Variants in CACNA1B observed in about 807,000 individuals in gnomAD.
CACNA1B encodes voltage-dependent N-type calcium channel subunit alpha-1B.
In CACNA1B, 70 loss-of-function variants were observed where a neutral mutation model predicts 247.2. That is an observed-to-expected ratio of 0.28 (90% CI 0.23 to 0.35). CACNA1B has a LOEUF of 0.35. Among genes scored for constraint, CACNA1B ranks in the 10% least tolerant of loss-of-function variants. CACNA1B has a pLI of 1.00. For synonymous variants in CACNA1B, 1,231 were observed against 1,294.4 expected (o/e 0.95, Z 1.05); for missense variants, 2,367 against 3,197.4 (o/e 0.74, Z 6.26).
intron 6 of CACNA1B, among the ~76,000 whole-genome samples, chr9:137,942,216 T>TG (rs1194116946): frequency 6.6e-6 from 1 of 152,048 alleles, no homozygotes; most frequent in Non-Finnish European, 1.5e-5. Context: ...CCAACAAACA[T>TG]GGAAAAATGC....
chr9:137,969,978 C>T (rs1958126653), intron 10 of CACNA1B, among the ~76,000 whole-genome samples: 1 of 152,140 alleles, frequency 6.6e-6, no homozygotes, highest in African/African-American at 2.4e-5. Context: ...CACATGTGTA[C>T]AAACACACAG....
chr9:138,120,083 T>G (rs1169643692), intron 44 of CACNA1B, 82 bp from the exon 45 acceptor site: 5 of 1,217,190 alleles, frequency 4.1e-6, no homozygotes, highest in Non-Finnish European at 5.8e-6. Flanking sequence ...CTGTCTGGCC[T>G]GCTCCACCAC....
Position 137,952,426 on chromosome 9 carries a change from T to A in CACNA1B, c.1070+49T>A. ...GCAGGTGCCCCTCTGTGTTCTCAGC[T>A]GAGGGGTCAACAGGGGCACGTGTGA... On this transcript the variant is annotated intron_variant, in intron 7 of 46. Transcript: ENST00000371372. The surrounding 1 kb of genome is among the most constrained non-coding windows in gnomAD (Gnocchi z 4.8). The A allele has an allele frequency of 6.7e-7, 1 of 1,486,106 alleles. No homozygotes were observed. Among genetic ancestry groups the A allele is most frequent in the East Asian group, 2.3e-5 (1 of 44,214 alleles). 92.1% of individuals were successfully genotyped at this position (1,486,106 alleles called of 1,614,324 possible).
rs1957451750 is a variant in CACNA1B, at chr9:137,919,406, C to T, written c.966+1975C>T. On this transcript the variant is annotated intron_variant, in intron 6 of 46. Coordinates refer to ENST00000371372, the MANE Select transcript of CACNA1B (RefSeq NM_000718.4). The surrounding 1 kb of genome is among the most constrained non-coding windows in gnomAD (Gnocchi z 4.6). Reference sequence around the variant, plus strand: ...GAAACCAGACATGCAGATGCTACAACACCTTGGAAGCTTGGCCGGGGCAGC... The same window carrying T: ...GAAACCAGACATGCAGATGCTACAATACCTTGGAAGCTTGGCCGGGGCAGC... Among the ~76,000 whole-genome samples, 2 of 152,234 alleles carry T rather than the reference C, an allele frequency of 1.3e-5. No individual in the cohort carries two copies. The highest frequency in any genetic ancestry group is 2.9e-5 in the Non-Finnish European group (2 of 68,042).
At position 138,008,552 on chromosome 9, in the gene CACNA1B, A is replaced by AC. The variant is rs201195347; in HGVS notation, c.2093-1453dup. Reference sequence around the variant, plus strand: ...CTGGCCTGGGGTATGCGCTCCCTTGACCCCCAGGGAGGGGGCACCTGTCCA... The same window carrying AC: ...CTGGCCTGGGGTATGCGCTCCCTTGACCCCCCAGGGAGGGGGCACCTGTCCA... On this transcript the variant is annotated intron_variant, in intron 16 of 46. Transcript: ENST00000371372. Among the ~76,000 whole-genome samples, 1,380 of 151,726 alleles carry AC rather than the reference A, an allele frequency of 9.1e-3. 8 individuals are homozygous for AC. The highest frequency in any genetic ancestry group is 0.011 in the South Asian group (54 of 4,802).
At chr9:137,916,778 C>A (rs1957417081) in intron 5 of CACNA1B, among the ~76,000 whole-genome samples, 1 of 148,212 alleles carries the variant, frequency 6.7e-6, no homozygotes, top group Non-Finnish European at 1.5e-5. Context: ...AGGAACGGTC[C>A]TCGTGGCAGT....
Position 138,051,390 on chromosome 9 carries a change from C to G in CACNA1B, c.3711-702C>G, listed in dbSNP as rs542181750. ...CCGACTTCCTGCCTTGCCGTCCCTGCTCTGCATGAGTTTTCCTGTCTGCTG... is the reference window on the plus strand; with the variant it reads ...CCGACTTCCTGCCTTGCCGTCCCTGGTCTGCATGAGTTTTCCTGTCTGCTG... On this transcript the variant is annotated intron_variant, in intron 24 of 46. Transcript: ENST00000371372. This position sits in a 1 kb window ranked among gnomAD's most constrained non-coding sequence, Gnocchi z 4.3. 1.3e-5 allele frequency among the ~76,000 whole-genome samples: 2 copies of G among 151,944 alleles called. No individual in the cohort carries two copies. Among genetic ancestry groups the G allele is most frequent in the African/African-American group, 4.8e-5 (2 of 41,444 alleles).
At position 137,928,616 on chromosome 9, in the gene CACNA1B, T is replaced by A. The variant is rs1195695456; in HGVS notation, c.966+11185T>A. ...GGAGATCTTTTTTTTAAATAACACTTTTGCTGCAATATAATCTGTGTACCA... is the reference window on the plus strand; with the variant it reads ...GGAGATCTTTTTTTTAAATAACACTATTGCTGCAATATAATCTGTGTACCA... On this transcript the variant is annotated intron_variant, in intron 6 of 46. Coordinates refer to ENST00000371372, the MANE Select transcript of CACNA1B (RefSeq NM_000718.4). 2.6e-5 allele frequency among the ~76,000 whole-genome samples: 4 copies of A among 152,348 alleles called. No individual in the cohort carries two copies. The East Asian group carries it at 7.7e-4, about 29-fold the overall frequency.
chr9:138,101,949 C>A (rs1961266262), intron 37 of CACNA1B, among the ~76,000 whole-genome samples: 1 of 152,160 alleles, frequency 6.6e-6, no homozygotes, highest in African/African-American at 2.4e-5. Flanking sequence ...GTTCCTAGAT[C>A]CTGCAACCTG....
At chr9:137,892,238 T>G in intron 3 of CACNA1B, 1 of 456,744 alleles carries the variant, frequency 2.2e-6, no homozygotes, top group South Asian at 1.5e-5. Context: ...GACATTTCCT[T>G]CTCAGTCCTG....
At chr9:137,889,349 C>G (rs1464907806) in intron 3 of CACNA1B, among the ~76,000 whole-genome samples, 3 of 150,182 alleles carry the variant, frequency 2.0e-5, no homozygotes, top group African/African-American at 7.3e-5. Context: ...CCTTTCCCTA[C>G]CAGAGTCTGG....
intron 15 of CACNA1B, among the ~76,000 whole-genome samples, chr9:138,000,659 C>T (rs1245120141): frequency 6.6e-6 from 1 of 152,134 alleles, no homozygotes; most frequent in African/African-American, 2.4e-5. Flanking sequence ...AACCTTGACA[C>T]CAAAGCCATG....
At chr9:137,949,252 G>A (rs1418193047) in intron 6 of CACNA1B, among the ~76,000 whole-genome samples, 4 of 148,544 alleles carry the variant, frequency 2.7e-5, no homozygotes, top group Non-Finnish European at 4.5e-5. Context: ...TGTGTGTGGT[G>A]TGTGGTGCGT....
chr9:137,943,050 C>CTTTT (rs58509237), intron 6 of CACNA1B, among the ~76,000 whole-genome samples: 12 of 136,130 alleles, frequency 8.8e-5, no homozygotes, highest in African/African-American at 3.0e-4. Flanking sequence ...GAGTTTCAAA[C>CTTTT]TTTTTTTTTT....
chr9:138,026,731 C>T (rs1249107990), intron 20 of CACNA1B, among the ~76,000 whole-genome samples: 2 of 152,130 alleles, frequency 1.3e-5, no homozygotes, highest in African/African-American at 4.8e-5. Flanking sequence ...CTGCTTTAAA[C>T]ATTCATGTTC....
chr9:137,978,218 T>G (rs1315837882), intron 12 of CACNA1B, among the ~76,000 whole-genome samples: 1 of 73,552 alleles, frequency 1.4e-5, no homozygotes, highest in Non-Finnish European at 2.5e-5. Flanking sequence ...AGCAACGGGA[T>G]CACTACTCCC....
At chr9:137,946,447 G>A (rs1467687021) in intron 6 of CACNA1B, among the ~76,000 whole-genome samples, 1 of 152,180 alleles carries the variant, frequency 6.6e-6, no homozygotes, top group Non-Finnish European at 1.5e-5. Flanking sequence ...GGATCAGGGA[G>A]TATAACCAGG....
chr9:137,879,240 A>T, intron 2 of CACNA1B, 81 bp downstream of exon 2: 1 of 911,138 alleles, frequency 1.1e-6, no homozygotes, highest in Non-Finnish European at 1.7e-6. Flanking sequence ...GCCTGAGAAC[A>T]GCTTCCTCGG....
intron 15 of CACNA1B, among the ~76,000 whole-genome samples, chr9:138,002,274 C>CT (rs1958586385): frequency 6.6e-6 from 1 of 152,000 alleles, no homozygotes; most frequent in African/African-American, 2.4e-5. Context: ...GAAGGATGGA[C>CT]TATTCAAAAA....
Sources: allele counts gnomAD v4.1 joint callset (sites outside exome capture counted in the v4.1 genomes callset), GRCh38; gene constraint gnomAD v4.1.1; non-coding constraint Gnocchi (gnomAD v3.1); transcripts MANE v1.5; gene names NCBI Gene and HGNC (gene_info 2026-07-23, HGNC 2026-07-21).